The following SGCZ variants were observed in gnomAD, a reference collection of about 807,000 sequenced individuals.
SGCZ encodes zeta-sarcoglycan.
In SGCZ, 40 loss-of-function variants were observed where a neutral mutation model predicts 41.3. The ratio of observed to expected loss-of-function variants is 0.97; its 90% CI spans 0.75 to 1.26. The LOEUF (loss-of-function observed/expected upper bound fraction) is 1.26. Ranked by LOEUF, SGCZ falls within the 50% of genes most tolerant of loss-of-function variation. SGCZ has a pLI of 0.00. For missense variants in SGCZ, 552 were observed against 369.8 expected, an observed-to-expected ratio of 1.49 and a Z score of -4.04; for synonymous variants, 206 against 137.5, an observed-to-expected ratio of 1.50 and a Z score of -3.49.
In SGCZ at chr8:14,514,759, G is replaced by A. The variant is rs554210364; in HGVS notation, c.234+39973C>T. Reference sequence around the variant, plus strand: ...TATATGTAAATATATGTAAGTATGTGTAAATTTATATACATATATGTAAAT... The same window carrying A: ...TATATGTAAATATATGTAAGTATGTATAAATTTATATACATATATGTAAAT... On this transcript the variant is annotated intron_variant, in intron 2 of 7. Coordinates refer to ENST00000382080, the MANE Select transcript of SGCZ (RefSeq NM_139167.4). Among the ~76,000 whole-genome samples, 109 of 139,824 alleles carry A rather than the reference G, an allele frequency of 7.8e-4. No homozygotes were observed. In the South Asian group the frequency reaches 0.014, roughly 18 times the overall value. The allele number at this position is 139,824 out of a possible 152,430, so 91.7% of individuals were successfully genotyped here. A position where few individuals can be genotyped will look rare whatever the true frequency, so the allele number is the denominator to read the frequency against.
Position 14,601,404 on chromosome 8 carries a change from T to G in SGCZ, c.40-46478A>C, listed in dbSNP as rs185130345. On this transcript the variant is annotated intron_variant, in intron 1 of 7. Transcript: ENST00000382080. ...GTGAAAGGGTAGGTTTAAATGTTAT[T>G]AAAATACAATAAATGGAAGAATACA... is the stretch of plus-strand genomic sequence containing the variant. Among the ~76,000 whole-genome samples the G allele has an allele frequency of 3.8e-3, 583 of 152,306 alleles. 3 individuals carry two copies. Among genetic ancestry groups the G allele is most frequent in the African/African-American group, 0.013 (560 of 41,576 alleles).
chr8:14,606,914 A>C (rs1393755613), intron 1 of SGCZ, among the ~76,000 whole-genome samples: 1 of 152,142 alleles, frequency 6.6e-6, no homozygotes, highest in African/African-American at 2.4e-5. Flanking sequence ...AGGTAAATTG[A>C]TCAATAAGTG....
intron 1 of SGCZ, among the ~76,000 whole-genome samples, chr8:14,997,790 T>A (rs1441247193): frequency 2.6e-5 from 4 of 151,992 alleles, no homozygotes; most frequent in Non-Finnish European, 5.9e-5. Context: ...TGAAACCTAG[T>A]CTCTACTAAA....
chr8:14,306,061 T>C (rs1801340595), intron 3 of SGCZ, among the ~76,000 whole-genome samples: 1 of 152,190 alleles, frequency 6.6e-6, no homozygotes, highest in African/African-American at 2.4e-5. Flanking sequence ...CTAAACAAAG[T>C]TGACAAAATG....
chr8:14,884,872 T>C (rs1464837327), intron 1 of SGCZ, among the ~76,000 whole-genome samples: 1 of 152,066 alleles, frequency 6.6e-6, no homozygotes, highest in Non-Finnish European at 1.5e-5. Context: ...GTTTTTATGA[T>C]ACTAAACTCA....
chr8:14,911,051 C>G (rs557516740), intron 1 of SGCZ, among the ~76,000 whole-genome samples: 1 of 152,118 alleles, frequency 6.6e-6, no homozygotes, highest in Admixed American at 6.5e-5. Context: ...TAAAGGGATG[C>G]TTCTGCATAT....
At chr8:14,942,514 G>A (rs1225371233) in intron 1 of SGCZ, among the ~76,000 whole-genome samples, 1 of 151,954 alleles carries the variant, frequency 6.6e-6, no homozygotes, top group African/African-American at 2.4e-5. Context: ...AGATTCCTTG[G>A]CATCTAAATA....
intron 1 of SGCZ, among the ~76,000 whole-genome samples, chr8:15,164,754 T>C (rs1027166159): frequency 3.9e-5 from 6 of 152,038 alleles, no homozygotes; most frequent in Admixed American, 3.3e-4. Flanking sequence ...AGTCTTGGGC[T>C]GTGGCCAATC....
intron 4 of SGCZ, among the ~76,000 whole-genome samples, chr8:14,201,745 T>C (rs907067320): frequency 6.6e-6 from 1 of 152,168 alleles, no homozygotes; most frequent in Non-Finnish European, 1.5e-5. Context: ...AGCTCTATAC[T>C]GAAGTAGGAA....
intron 1 of SGCZ, among the ~76,000 whole-genome samples, chr8:14,612,103 A>C (rs940089208): frequency 6.6e-6 from 1 of 152,224 alleles, no homozygotes; most frequent in Non-Finnish European, 1.5e-5. Flanking sequence ...ATGTCTTTCT[A>C]TGCAAAAGTG....
At chr8:14,892,827 T>C (rs1805063294) in intron 1 of SGCZ, among the ~76,000 whole-genome samples, 1 of 152,178 alleles carries the variant, frequency 6.6e-6, no homozygotes, top group African/African-American at 2.4e-5. Flanking sequence ...AATAGAAGGT[T>C]TGAACTATAT....
At chr8:14,359,713 C>T (rs962078899) in intron 2 of SGCZ, among the ~76,000 whole-genome samples, 5 of 151,356 alleles carry the variant, frequency 3.3e-5, no homozygotes, top group African/African-American at 1.2e-4. Context: ...GAACTAATAT[C>T]GATTCTACTC....
At chr8:15,115,167 G>A (rs1212423404) in intron 1 of SGCZ, among the ~76,000 whole-genome samples, 1 of 152,138 alleles carries the variant, frequency 6.6e-6, no homozygotes, top group South Asian at 2.1e-4. Flanking sequence ...CAGAGACCCA[G>A]GCACCCTTCC....
chr8:15,046,909 C>G (rs1804326478), intron 1 of SGCZ, among the ~76,000 whole-genome samples: 1 of 152,062 alleles, frequency 6.6e-6, no homozygotes, highest in South Asian at 2.1e-4. Flanking sequence ...AACTAATTTG[C>G]TCCATCTTAG....
At chr8:14,679,812 C>T (rs1276825189) in intron 1 of SGCZ, among the ~76,000 whole-genome samples, 1 of 152,036 alleles carries the variant, frequency 6.6e-6, no homozygotes, top group African/African-American at 2.4e-5. Context: ...GACCTGCAAG[C>T]TCCTTTCATG....
At chr8:14,790,369 C>T (rs546091518) in intron 1 of SGCZ, among the ~76,000 whole-genome samples, 66 of 152,204 alleles carry the variant, frequency 4.3e-4, no homozygotes, top group South Asian at 1.5e-3. Context: ...GTCAATGAAA[C>T]TGTGATGAAA....
Position 14,726,517 on chromosome 8 carries a change from T to C in SGCZ, c.40-171591A>G, listed in dbSNP as rs893888394. Among the ~76,000 whole-genome samples, 3 of 151,762 alleles carry C rather than the reference T, an allele frequency of 2.0e-5. No homozygotes were observed. In the East Asian group the frequency reaches 5.8e-4, roughly 29 times the overall value. On this transcript the variant is annotated intron_variant, in intron 1 of 7. Coordinates refer to ENST00000382080, the MANE Select transcript of SGCZ (RefSeq NM_139167.4). ...ACATTTTAGATGGAAAATGCTATTA[T>C]GATAGAGGCACAGTATTGGTTGACC... is the stretch of plus-strand genomic sequence containing the variant.
At chr8:14,551,468 ATATAT>A (rs1408703330) in intron 2 of SGCZ, among the ~76,000 whole-genome samples, 3,126 of 10,284 alleles carry the variant, frequency 0.3, 673 homozygotes, top group Non-Finnish European at 0.39. Context: ...TATATATTAT[ATATAT>A]TATATATTAT....
intron 2 of SGCZ, among the ~76,000 whole-genome samples, chr8:14,390,887 G>A (rs905201901): frequency 1.3e-5 from 2 of 152,036 alleles, no homozygotes; most frequent in East Asian, 1.9e-4. Context: ...ATAGTAAAAT[G>A]TCCAACTTTG....
Sources: gnomAD v4.1 joint callset for allele counts (sites outside exome capture counted in the v4.1 genomes callset) on GRCh38, gnomAD v4.1.1 for gene constraint, MANE v1.5 for transcripts, NCBI Gene and HGNC (gene_info 2026-07-23, HGNC 2026-07-21) for gene names.